Variants in KCNIP4 observed in about 807,000 individuals in gnomAD.
KCNIP4 encodes potassium voltage-gated channel interacting protein 4.
In KCNIP4, 12 loss-of-function variants were observed where a neutral mutation model predicts 34.0. The ratio of observed to expected loss-of-function variants is 0.35; its 90% CI spans 0.23 to 0.57. KCNIP4 has a LOEUF of 0.57. Among genes scored for constraint, KCNIP4 ranks in the 20% least tolerant of loss-of-function variants. The pLI is 0.83. For missense variants in KCNIP4, 238 were observed against 311.7 expected (o/e 0.76, Z 1.78); for synonymous variants, 124 against 102.2 (o/e 1.21, Z -1.29).
At chr4:21,245,866 C>A (rs921933591) in intron 1 of KCNIP4, among the ~76,000 whole-genome samples, 2 of 152,124 alleles carry the variant, frequency 1.3e-5, no homozygotes, top group African/African-American at 4.8e-5. Flanking sequence ...AGCAACATTT[C>A]TCTATTGATA....
In KCNIP4 at chr4:21,654,661, T is replaced by C. The variant is rs139433670; in HGVS notation, c.61+293910A>G. The stretch of plus-strand genomic sequence containing the variant: ...AAACTGGGCCGGGTATGGTGGCTCA[T>C]GCCTGTAATCCCAGCACTTTGGGAC... On this transcript the variant is annotated intron_variant, in intron 1 of 8. Transcript: ENST00000382152. Among the ~76,000 whole-genome samples the C allele has an allele frequency of 6.5e-3, 991 of 152,184 alleles. 10 individuals carry two copies. Among genetic ancestry groups the C allele is most frequent in the African/African-American group, 0.022 (916 of 41,526 alleles).
At chr4:21,183,357 A>T (rs1754984522) in intron 1 of KCNIP4, among the ~76,000 whole-genome samples, 1 of 150,026 alleles carries the variant, frequency 6.7e-6, no homozygotes, top group African/African-American at 2.5e-5. Flanking sequence ...GGATATATTT[A>T]TTTTCCTTTG....
rs543866596 is a variant in KCNIP4 at position 21,388,305 on chromosome 4, G to C, written c.62-505596C>G. Among the ~76,000 whole-genome samples the C allele has an allele frequency of 2.0e-5, 3 of 150,212 alleles. No individual in the cohort carries two copies. The Admixed American group carries it at 2.0e-4, about 10-fold the overall frequency. ...TAATAAATATATATAATTTTAAAAA[G>C]CCTCAACTGTTCCACACTAACTATA... On this transcript the variant is annotated intron_variant, in intron 1 of 8. Transcript: ENST00000382152.
At chr4:20,796,641 G>T (rs1227942259) in intron 3 of KCNIP4, among the ~76,000 whole-genome samples, 1 of 140,208 alleles carries the variant, frequency 7.1e-6, no homozygotes, top group Non-Finnish European at 1.5e-5. Flanking sequence ...TGGCCTAAAA[G>T]AATCACTTTT....
chr4:21,752,400 C>T (rs1014923923), intron 1 of KCNIP4, among the ~76,000 whole-genome samples: 2 of 151,976 alleles, frequency 1.3e-5, no homozygotes, highest in African/African-American at 4.8e-5. Flanking sequence ...GGGGGAAGAG[C>T]CCCTTGTAAA....
At chr4:20,848,061 T>C (rs1056838910) in intron 3 of KCNIP4, among the ~76,000 whole-genome samples, 1 of 152,152 alleles carries the variant, frequency 6.6e-6, no homozygotes, top group Non-Finnish European at 1.5e-5. Context: ...GGTTCATTTA[T>C]TAGAATTGTA....
chr4:21,724,598 T>C (rs548032920), intron 1 of KCNIP4, among the ~76,000 whole-genome samples: 205 of 151,958 alleles, frequency 1.3e-3, no homozygotes, highest in African/African-American at 4.0e-3. Flanking sequence ...CTTCAGTATC[T>C]TTAAATCTTT....
chr4:20,850,416 A>G, intron 3 of KCNIP4, 127 bp downstream of exon 3: 2 of 970,908 alleles, frequency 2.1e-6, no homozygotes, highest in Non-Finnish European at 3.1e-6. Flanking sequence ...CCTATCTGGG[A>G]AGGATCAGTA....
At chr4:21,073,385 G>C (rs1036343124) in intron 1 of KCNIP4, among the ~76,000 whole-genome samples, 51 of 152,072 alleles carry the variant, frequency 3.4e-4, no homozygotes, top group Non-Finnish European at 4.0e-4. Flanking sequence ...GGATTCCTAG[G>C]TATTTTATTC....
intron 2 of KCNIP4, among the ~76,000 whole-genome samples, chr4:20,861,527 C>T (rs929768516): frequency 6.6e-6 from 1 of 151,970 alleles, no homozygotes; most frequent in African/African-American, 2.4e-5. Flanking sequence ...CAACCCTGGC[C>T]CTGAATGTAT....
chr4:21,252,289 T>C (rs12649610), intron 1 of KCNIP4, among the ~76,000 whole-genome samples: 42,090 of 151,496 alleles, frequency 0.28, 10,280 homozygotes, highest in African/African-American at 0.66. Context: ...CTCCACACCC[T>C]GCTAACTTTT....
At chr4:21,322,802 G>A (rs1011994716) in intron 1 of KCNIP4, among the ~76,000 whole-genome samples, 7 of 151,910 alleles carry the variant, frequency 4.6e-5, no homozygotes, top group African/African-American at 1.5e-4. Context: ...TAAAAATCTG[G>A]TGTCAAAGAA....
intron 1 of KCNIP4, among the ~76,000 whole-genome samples, chr4:20,969,810 T>C (rs1464955539): frequency 1.3e-5 from 2 of 152,210 alleles, no homozygotes; most frequent in East Asian, 3.9e-4. Context: ...TGTAATCTAA[T>C]GTAAAAATAC....
chr4:21,811,075 A>G (rs987598398), intron 1 of KCNIP4, among the ~76,000 whole-genome samples: 3 of 152,262 alleles, frequency 2.0e-5, no homozygotes, highest in Admixed American at 6.5e-5. Flanking sequence ...TAACAGAGAA[A>G]GACATTTACC....
At chr4:21,101,452 A>C (rs1354237218) in intron 1 of KCNIP4, among the ~76,000 whole-genome samples, 2 of 152,180 alleles carry the variant, frequency 1.3e-5, no homozygotes, top group African/African-American at 2.4e-5. Flanking sequence ...ATGGACACTT[A>C]GGTTGATTCC....
At chr4:21,105,305 C>T (rs570825259) in intron 1 of KCNIP4, among the ~76,000 whole-genome samples, 1 of 151,614 alleles carries the variant, frequency 6.6e-6, no homozygotes, top group Non-Finnish European at 1.5e-5. Context: ...TTGAAGAGGT[C>T]CTTCACGTCC....
chr4:21,859,359 C>A (rs978153941), intron 1 of KCNIP4, among the ~76,000 whole-genome samples: 3 of 151,986 alleles, frequency 2.0e-5, no homozygotes, highest in African/African-American at 4.8e-5. Flanking sequence ...AGACTAACCA[C>A]TTCTTAAGAA....
At chr4:20,852,314 G>T (rs758708660) in intron 2 of KCNIP4, among the ~76,000 whole-genome samples, 1 of 152,184 alleles carries the variant, frequency 6.6e-6, no homozygotes, top group South Asian at 2.1e-4. Context: ...ATGCAGGGAT[G>T]GTTTAACATA....
intron 1 of KCNIP4, among the ~76,000 whole-genome samples, chr4:21,320,268 A>G (rs1714226648): frequency 6.6e-6 from 1 of 152,218 alleles, no homozygotes; most frequent in East Asian, 1.9e-4. Context: ...TTACATTTTG[A>G]TGGCACAATG....
Sources: gnomAD v4.1 joint callset for allele counts (sites outside exome capture counted in the v4.1 genomes callset) on GRCh38, gnomAD v4.1.1 for gene constraint, MANE v1.5 for transcripts, NCBI Gene and HGNC (gene_info 2026-07-23, HGNC 2026-07-21) for gene names.